The following SYT9 variants were observed in gnomAD, a reference collection of about 807,000 sequenced individuals.
SYT9 encodes synaptotagmin 9, also known as synaptotagmin-9.
Under a neutral mutation model 48.4 loss-of-function variants are expected in SYT9, and 22 were observed. The ratio of observed to expected loss-of-function variants is 0.45; its 90% CI spans 0.32 to 0.65. The LOEUF (loss-of-function observed/expected upper bound fraction) is 0.65. SYT9 is among the 30% of genes least tolerant of loss of function. The probability of loss-of-function intolerance (pLI) is 0.03; values close to 1 mark genes in which losing one functional copy is unlikely to be tolerated. For synonymous variants in SYT9, 265 were observed against 245.0 expected (o/e 1.08, Z -0.76); for missense variants, 577 against 622.0 (o/e 0.93, Z 0.77).
intron 3 of SYT9, among the ~76,000 whole-genome samples, chr11:7,397,246 C>T (rs920410070): frequency 6.6e-6 from 1 of 152,058 alleles, no homozygotes; most frequent in African/African-American, 2.4e-5. Context: ...TTATTCAGCA[C>T]CATTTGTTAA....
At chr11:7,284,162 C>T (rs1031245019) in intron 1 of SYT9, among the ~76,000 whole-genome samples, 3 of 152,050 alleles carry the variant, frequency 2.0e-5, no homozygotes, top group African/African-American at 7.2e-5. Flanking sequence ...TAAATAAAAG[C>T]GTATTTCTTC....
chr11:7,301,709 A>C (rs1487264459), intron 1 of SYT9, among the ~76,000 whole-genome samples: 2 of 152,232 alleles, frequency 1.3e-5, no homozygotes, highest in Non-Finnish European at 2.9e-5. Context: ...TGGTTGAAGC[A>C]ATGCAAATAT....
At chr11:7,302,816 A>G (rs1848947647) in intron 1 of SYT9, among the ~76,000 whole-genome samples, 1 of 152,134 alleles carries the variant, frequency 6.6e-6, no homozygotes, top group Non-Finnish European at 1.5e-5. Context: ...CTTGCATGCT[A>G]TGGTACCTCC....
At chr11:7,285,150 C>A (rs1423512443) in intron 1 of SYT9, among the ~76,000 whole-genome samples, 2 of 152,158 alleles carry the variant, frequency 1.3e-5, no homozygotes, top group Non-Finnish European at 2.9e-5. Context: ...AGGCAGGATT[C>A]TTTCTCCTTT....
At chr11:7,360,900 A>C (rs1038025049) in intron 3 of SYT9, among the ~76,000 whole-genome samples, 1 of 152,080 alleles carries the variant, frequency 6.6e-6, no homozygotes, top group African/African-American at 2.4e-5. Context: ...AATTTTTTCA[A>C]GTTATCTATT....
intron 3 of SYT9, among the ~76,000 whole-genome samples, chr11:7,382,087 T>A (rs1458821972): frequency 6.6e-6 from 1 of 152,192 alleles, no homozygotes; most frequent in African/African-American, 2.4e-5. Flanking sequence ...CATGTTGCAG[T>A]GTAGGCATGA....
intron 6 of SYT9, among the ~76,000 whole-genome samples, chr11:7,459,369 G>A (rs1393280192): frequency 6.6e-6 from 1 of 152,168 alleles, no homozygotes; most frequent in African/African-American, 2.4e-5. Flanking sequence ...ACTAAGAACT[G>A]GGACATTCTA....
At chr11:7,341,294 G>A (rs1849707982) in intron 3 of SYT9, among the ~76,000 whole-genome samples, 1 of 152,146 alleles carries the variant, frequency 6.6e-6, no homozygotes, top group South Asian at 2.1e-4. Flanking sequence ...ACTGGAAGAT[G>A]CTTCTGATAT....
At chr11:7,382,079 T>C (rs574300366) in intron 3 of SYT9, among the ~76,000 whole-genome samples, 1 of 152,208 alleles carries the variant, frequency 6.6e-6, no homozygotes, top group Non-Finnish European at 1.5e-5. Context: ...CTCAGAGTCA[T>C]GTTGCAGTGT....
chr11:7,239,065 C>T (rs1291488876), intron 1 of SYT9: 8 of 396,186 alleles, frequency 2.0e-5, no homozygotes, highest in African/African-American at 1.7e-4. Flanking sequence ...GACACCCAAG[C>T]CTGATTTACT....
chr11:7,431,279 G>C (rs890160460), intron 6 of SYT9, among the ~76,000 whole-genome samples: 1 of 152,224 alleles, frequency 6.6e-6, no homozygotes. Flanking sequence ...TTGCACATGA[G>C]AGTGATGATC....
At chr11:7,427,081 C>A (rs1172641978) in intron 6 of SYT9, among the ~76,000 whole-genome samples, 1 of 140,574 alleles carries the variant, frequency 7.1e-6, no homozygotes, top group Admixed American at 6.9e-5. Context: ...ATTGAGTTAG[C>A]ATTTGGTGAA....
At chr11:7,259,672 C>T (rs564968167) in intron 1 of SYT9, among the ~76,000 whole-genome samples, 241 of 152,146 alleles carry the variant, frequency 1.6e-3, no homozygotes, top group Non-Finnish European at 3.0e-3. Flanking sequence ...TATATTTACT[C>T]TTAAGTGAAT....
At chr11:7,261,375 C>A (rs373542163) in intron 1 of SYT9, among the ~76,000 whole-genome samples, 31 of 152,152 alleles carry the variant, frequency 2.0e-4, no homozygotes, top group Middle Eastern at 3.4e-3. Context: ...TAGGGGATGC[C>A]AGTTATTTGC....
chr11:7,398,993 G>T (rs775090060), intron 3 of SYT9, among the ~76,000 whole-genome samples: 1 of 152,064 alleles, frequency 6.6e-6, no homozygotes, highest in Non-Finnish European at 1.5e-5. Flanking sequence ...TCCATATAGG[G>T]CCAAGACATA....
At position 7,353,512 on chromosome 11, in the gene SYT9, A is replaced by G. The variant is rs554380578; in HGVS notation, c.1044+39571A>G. Among the ~76,000 whole-genome samples, 4 of 152,296 alleles carry G rather than the reference A, an allele frequency of 2.6e-5. No homozygotes were observed. In the South Asian group the frequency reaches 8.3e-4, roughly 32 times the overall value. On this transcript the variant is annotated intron_variant, in intron 3 of 6. Transcript: ENST00000318881. The stretch of plus-strand genomic sequence containing the variant: ...CGGTAAGTTCTACTGGTGCAGTACC[A>G]CATTGACTTCTCTGCCATTCAGTGA...
chr11:7,399,380 C>T lies in SYT9; in HGVS notation c.1045-16662C>T, dbSNP rs558960665. On this transcript the variant is annotated intron_variant, in intron 3 of 6. Coordinates refer to ENST00000318881, the MANE Select transcript of SYT9 (RefSeq NM_175733.4). ...GAAAGAGTGCATCCATCAGCATTAC[C>T]GTGAACACATGCCACTTAATGGTAT... is the stretch of plus-strand genomic sequence containing the variant. Among the ~76,000 whole-genome samples the T allele has an allele frequency of 1.8e-4, 28 of 152,144 alleles. No homozygotes were observed. In the South Asian group the frequency reaches 4.6e-3, roughly 25 times the overall value.
chr11:7,392,239 G>T (rs1405394424), intron 3 of SYT9, among the ~76,000 whole-genome samples: 2 of 151,944 alleles, frequency 1.3e-5, no homozygotes, highest in Admixed American at 6.6e-5. Flanking sequence ...TATAGTTTGA[G>T]GCCTTACATT....
intron 3 of SYT9, among the ~76,000 whole-genome samples, chr11:7,403,774 A>G (rs866358223): frequency 1.3e-5 from 2 of 149,402 alleles, no homozygotes; most frequent in Non-Finnish European, 1.5e-5. Context: ...TAAAAAAAAA[A>G]GAATGTATAT....
Sources: gnomAD v4.1 joint callset for allele counts (sites outside exome capture counted in the v4.1 genomes callset) on GRCh38, gnomAD v4.1.1 for gene constraint, MANE v1.5 for transcripts, NCBI Gene and HGNC (gene_info 2026-07-23, HGNC 2026-07-21) for gene names.